The following KLF12 variants were observed in gnomAD, a reference collection of about 807,000 sequenced individuals.
KLF12 encodes Krueppel-like factor 12.
In KLF12, 9 loss-of-function variants were observed where a neutral mutation model predicts 37.8. That is an observed-to-expected ratio of 0.24 (90% CI 0.14 to 0.42). KLF12 has a LOEUF of 0.42. KLF12 is among the 10% of genes least tolerant of loss of function. KLF12 has a pLI of 1.00. For missense variants in KLF12, 411 were observed against 516.0 expected (o/e 0.80, Z 1.97); for synonymous variants, 208 against 202.1 (o/e 1.03, Z -0.25).
intron 1 of KLF12, among the ~76,000 whole-genome samples, chr13:74,124,080 C>T (rs989753643): frequency 6.6e-6 from 1 of 152,184 alleles, no homozygotes; most frequent in Non-Finnish European, 1.5e-5. Context: ...AAACAAAACA[C>T]AAGGTAACGG....
chr13:74,122,104 T>A (rs1877664273), intron 1 of KLF12, among the ~76,000 whole-genome samples: 1 of 151,974 alleles, frequency 6.6e-6, no homozygotes, highest in South Asian at 2.1e-4. Flanking sequence ...TTATATATTT[T>A]AAAGGTTGTA....
At chr13:74,063,529 T>G (rs1370417507) in intron 1 of KLF12, among the ~76,000 whole-genome samples, 1 of 152,224 alleles carries the variant, frequency 6.6e-6, no homozygotes, top group Non-Finnish European at 1.5e-5. Context: ...GCCAAGATTT[T>G]AATGTCTTAT....
intron 7 of KLF12, among the ~76,000 whole-genome samples, chr13:73,697,829 G>A (rs1229876824): frequency 4.6e-5 from 7 of 152,274 alleles, no homozygotes; most frequent in African/African-American, 1.7e-4. Context: ...AGTATAGAAG[G>A]ACGTGTCTTG....
At chr13:73,764,706 T>TTA (rs754340102) in intron 6 of KLF12, among the ~76,000 whole-genome samples, 235 of 152,158 alleles carry the variant, frequency 1.5e-3, no homozygotes, top group Admixed American at 2.8e-3. Context: ...AGATCATATC[T>TTA]GTCAAAAAAA....
At chr13:73,989,363 T>C (rs1891904514) in intron 2 of KLF12, among the ~76,000 whole-genome samples, 1 of 152,188 alleles carries the variant, frequency 6.6e-6, no homozygotes, top group Non-Finnish European at 1.5e-5. Flanking sequence ...ACAAGACCTA[T>C]TCAATGACCC....
In KLF12 at chr13:73,706,996, AT is replaced by A. The variant is rs377088395; in HGVS notation, c.1027+8371del. ...ATGTTAATTAAAGCCTTAAAAACAG[AT>A]TAAAGTCTCTTGCTCTCTCATTACT... On this transcript the variant is annotated intron_variant, in intron 7 of 7. Transcript: ENST00000377669. 2.6e-3 allele frequency among the ~76,000 whole-genome samples: 390 copies of A among 152,344 alleles called. 1 individual carries two copies. The highest frequency in any genetic ancestry group is 8.8e-3 in the African/African-American group (364 of 41,592).
At chr13:74,111,739 A>C (rs564848044) in intron 1 of KLF12, among the ~76,000 whole-genome samples, 1 of 152,344 alleles carries the variant, frequency 6.6e-6, no homozygotes, top group African/African-American at 2.4e-5. Flanking sequence ...GTCTTTTAAA[A>C]GTACTATGAG....
At chr13:74,072,394 T>TATATATATATAC (rs1874315685) in intron 1 of KLF12, among the ~76,000 whole-genome samples, 1 of 124,392 alleles carries the variant, frequency 8.0e-6, no homozygotes, top group Non-Finnish European at 1.6e-5. Flanking sequence ...TATATATATA[T>TATATATATATAC]ATATATATAT....
intron 1 of KLF12, among the ~76,000 whole-genome samples, chr13:74,063,086 C>T (rs1242260026): frequency 6.6e-6 from 1 of 152,192 alleles, no homozygotes; most frequent in Non-Finnish European, 1.5e-5. Flanking sequence ...CTGTGCCGCA[C>T]CTCCAGCTGC....
At chr13:74,198,073 A>G in the KLF12 span, among the ~76,000 whole-genome samples, 1 of 152,202 alleles carries the variant, frequency 6.6e-6, no homozygotes, top group Admixed American at 6.5e-5. Context: ...TGAAAGAGAC[A>G]AAGAAAAAAA....
chr13:73,719,592 C>A (rs1028560800), intron 6 of KLF12, among the ~76,000 whole-genome samples: 6 of 151,434 alleles, frequency 4.0e-5, no homozygotes, highest in African/African-American at 1.5e-4. Flanking sequence ...CTCCTACGCC[C>A]ATTTCCCCGA....
chr13:74,098,114 C>T (rs1291436876), intron 1 of KLF12, among the ~76,000 whole-genome samples: 1 of 152,024 alleles, frequency 6.6e-6, no homozygotes, highest in African/African-American at 2.4e-5. Context: ...TCACAAAATC[C>T]CAGAAATCCT....
rs1873723409 is a variant in KLF12, at chr13:73,689,933, T to A, written c.*5557A>T. ...CAACTTTTTATCTGGAAATTATAAT[T>A]ACCATATGCAATAGTGTTCACTGAA... On this transcript the variant is annotated 3_prime_UTR_variant, in exon 8 of 8. Transcript: ENST00000377669. The A allele has an allele frequency of 6.6e-6, 1 of 152,202 alleles. No individual in the cohort carries two copies. Among genetic ancestry groups the A allele is most frequent in the South Asian group, 2.1e-4 (1 of 4,836 alleles). The allele number at this position is 152,202 out of a possible 1,614,324, so 9.4% of individuals were successfully genotyped here.
chr13:73,693,264 T>C lies in KLF12; in HGVS notation c.*2226A>G, dbSNP rs1873917933. On this transcript the variant is annotated 3_prime_UTR_variant, in exon 8 of 8. Transcript: ENST00000377669. ...GCATGCATCAACAGACCTTTTTCTA[T>C]TCTGAATGGTCACAGGCAATGTGAA... The C allele has an allele frequency of 6.6e-6, 1 of 152,196 alleles. No homozygotes were observed. Among genetic ancestry groups the C allele is most frequent in the Non-Finnish European group, 1.5e-5 (1 of 68,054 alleles). 9.4% of individuals were successfully genotyped at this position (152,196 alleles called of 1,614,324 possible). A position where few individuals can be genotyped will look rare whatever the true frequency, so the allele number is the denominator to read the frequency against.
In KLF12 at chr13:73,974,320, A is replaced by AAAAAAAAAAAAAAAAAAAAT. The variant is rs397704620; in HGVS notation, c.33+20669_33+20670insATTTTTTTTTTTTTTTTTTT. Among the ~76,000 whole-genome samples the AAAAAAAAAAAAAAAAAAAAT allele has an allele frequency of 5.9e-5, 9 of 151,592 alleles. No homozygotes were observed. The East Asian group carries it at 9.8e-4, about 17-fold the overall frequency. On this transcript the variant is annotated intron_variant, in intron 2 of 7. Coordinates refer to ENST00000377669, the MANE Select transcript of KLF12 (RefSeq NM_007249.5). ...CACTGAACTTCAAGACAAAAAAAAA[A>AAAAAAAAAAAAAAAAAAAAT]GAATTCTGCAGGTGTTCAGGCAGAA...
chr13:73,875,388 T>C (rs1021178524), intron 3 of KLF12, among the ~76,000 whole-genome samples: 6 of 152,168 alleles, frequency 3.9e-5, no homozygotes, highest in African/African-American at 9.6e-5. Context: ...ATGGGTAACT[T>C]AGAAAAATGT....
the KLF12 span, among the ~76,000 whole-genome samples, chr13:74,144,185 A>G: frequency 1.3e-5 from 2 of 152,208 alleles, no homozygotes; most frequent in Non-Finnish European, 2.9e-5. Flanking sequence ...CCCATTGCAT[A>G]CAATGAGGAA....
At chr13:74,000,047 C>T (rs1276148824) in intron 1 of KLF12, among the ~76,000 whole-genome samples, 1 of 152,114 alleles carries the variant, frequency 6.6e-6, no homozygotes, top group Non-Finnish European at 1.5e-5. Context: ...AAACCGGTAT[C>T]ATAAGCCCTC....
intron 5 of KLF12, among the ~76,000 whole-genome samples, chr13:73,787,616 T>C (rs1040247078): frequency 6.6e-6 from 1 of 152,150 alleles, no homozygotes; most frequent in Non-Finnish European, 1.5e-5. Context: ...AAACTGCAAT[T>C]TAGAGAAACT....
Sources: allele counts gnomAD v4.1 joint callset (sites outside exome capture counted in the v4.1 genomes callset), GRCh38; gene constraint gnomAD v4.1.1; transcripts MANE v1.5; gene names NCBI Gene and HGNC (gene_info 2026-07-23, HGNC 2026-07-21).